The following ADGRL2 variants were observed in gnomAD, a reference collection of about 807,000 sequenced individuals.
ADGRL2 encodes calcium-independent alpha-latrotoxin receptor 2.
A neutral mutation model predicts 157.4 loss-of-function variants in ADGRL2; 44 were observed. The ratio of observed to expected loss-of-function variants is 0.28; its 90% CI spans 0.22 to 0.36. The LOEUF is 0.36. ADGRL2 is among the 10% of genes least tolerant of loss of function. The probability of loss-of-function intolerance (pLI) is 1.00; values close to 1 mark genes in which losing one functional copy is unlikely to be tolerated. For synonymous variants in ADGRL2, 585 were observed against 624.7 expected, an observed-to-expected ratio of 0.94 and a Z score of 0.95; for missense variants, 1,510 against 1,768.9, an observed-to-expected ratio of 0.85 and a Z score of 2.63.
chr1:81,610,219 T>G (rs1322985718), intron 3 of ADGRL2, among the ~76,000 whole-genome samples: 4 of 139,682 alleles, frequency 2.9e-5, no homozygotes, highest in African/African-American at 7.9e-5. Context: ...AACAGGTTAG[T>G]GGCTTGGAGG....
chr1:81,622,523 G>A (rs2081818082), intron 3 of ADGRL2, among the ~76,000 whole-genome samples: 1 of 152,212 alleles, frequency 6.6e-6, no homozygotes, highest in African/African-American at 2.4e-5. Flanking sequence ...GGAAGTTTCA[G>A]TGAGCCAAGA....
chr1:81,352,341 T>A (rs1361700531), intron 1 of ADGRL2, among the ~76,000 whole-genome samples: 1 of 152,198 alleles, frequency 6.6e-6, no homozygotes, highest in Admixed American at 6.5e-5. Flanking sequence ...CTCTGAGGAA[T>A]CAGTTAGAAT....
At chr1:81,336,285 A>T (rs1194714371) in intron 1 of ADGRL2, among the ~76,000 whole-genome samples, 1 of 152,230 alleles carries the variant, frequency 6.6e-6, no homozygotes, top group Admixed American at 6.5e-5. Context: ...TAAAAGTATG[A>T]ATGCGACTGA....
chr1:81,828,167 T>G (rs1424876826), intron 1 of ADGRL2, among the ~76,000 whole-genome samples: 3 of 152,214 alleles, frequency 2.0e-5, no homozygotes, highest in African/African-American at 7.2e-5. Flanking sequence ...ATGCATTGCC[T>G]GTGGCACCTT....
intron 2 of ADGRL2, among the ~76,000 whole-genome samples, chr1:81,479,239 G>A (rs1012786185): frequency 5.3e-5 from 8 of 151,496 alleles, no homozygotes; most frequent in African/African-American, 1.2e-4. Flanking sequence ...TTGGGAGGCC[G>A]AGATGGGTGG....
intron 2 of ADGRL2, among the ~76,000 whole-genome samples, chr1:81,867,520 A>G (rs2093576357): frequency 6.6e-6 from 1 of 152,214 alleles, no homozygotes; most frequent in Non-Finnish European, 1.5e-5. Flanking sequence ...AAGCTGATGA[A>G]TGAGTTTTAT....
At chr1:81,591,009 G>A (rs1360587674) in intron 3 of ADGRL2, among the ~76,000 whole-genome samples, 1 of 152,152 alleles carries the variant, frequency 6.6e-6, no homozygotes, top group Admixed American at 6.6e-5. Flanking sequence ...ATCACGTGGA[G>A]TGTGTAACTC....
chr1:81,844,144 A>T (rs1411309405), intron 2 of ADGRL2, among the ~76,000 whole-genome samples: 1 of 152,200 alleles, frequency 6.6e-6, no homozygotes, highest in Admixed American at 6.6e-5. Context: ...ATAATTTGCT[A>T]AAAGTAAAAA....
intron 1 of ADGRL2, among the ~76,000 whole-genome samples, chr1:81,747,193 A>G (rs2085318004): frequency 1.4e-5 from 2 of 143,664 alleles, no homozygotes; most frequent in South Asian, 2.2e-4. Context: ...GTATGTGTGT[A>G]TGCATGTATA....
chr1:81,764,884 C>T (rs2086059206), intron 2 of ADGRL2, among the ~76,000 whole-genome samples: 2 of 151,890 alleles, frequency 1.3e-5, no homozygotes, highest in Non-Finnish European at 2.9e-5. Flanking sequence ...GACTTGGAGT[C>T]ATTAGAATGA....
At chr1:81,795,633 G>C (rs1211018073), upstream of ADGRL2, among the ~76,000 whole-genome samples, 2 of 152,142 alleles carry the variant, frequency 1.3e-5, no homozygotes, top group Admixed American at 1.3e-4. Context: ...AAAAGCCTTT[G>C]CAAGTTTTGC....
At chr1:81,599,584 A>G (rs960600716) in intron 3 of ADGRL2, among the ~76,000 whole-genome samples, 1 of 152,214 alleles carries the variant, frequency 6.6e-6, no homozygotes, top group Non-Finnish European at 1.5e-5. Context: ...AATTCCAGTG[A>G]TAATGGAATT....
chr1:81,855,466 A>G (rs2093169338), intron 2 of ADGRL2, among the ~76,000 whole-genome samples: 1 of 152,000 alleles, frequency 6.6e-6, no homozygotes. Flanking sequence ...ACAAAACTAA[A>G]CAAAATCAAG....
chr1:81,685,174 T>C (rs1467484539), intron 3 of ADGRL2, among the ~76,000 whole-genome samples: 1 of 152,166 alleles, frequency 6.6e-6, no homozygotes, highest in Non-Finnish European at 1.5e-5. Context: ...CTGTGAAGAA[T>C]GATGGTGGTA....
chr1:81,489,832 G>T (rs1245091368), intron 2 of ADGRL2, among the ~76,000 whole-genome samples: 1 of 152,050 alleles, frequency 6.6e-6, no homozygotes, highest in Non-Finnish European at 1.5e-5. Context: ...AAAGCAAAAA[G>T]GCATCAATCA....
intron 1 of ADGRL2, among the ~76,000 whole-genome samples, chr1:81,702,568 G>T (rs1018185521): frequency 6.6e-6 from 1 of 152,170 alleles, no homozygotes; most frequent in Non-Finnish European, 1.5e-5. Flanking sequence ...ACTATGAATT[G>T]CAAGTACCCT....
At chr1:81,894,548 G>A (rs1036472997) in intron 2 of ADGRL2, among the ~76,000 whole-genome samples, 11 of 151,784 alleles carry the variant, frequency 7.2e-5, no homozygotes, top group African/African-American at 2.7e-4. Context: ...ATAATCTTCA[G>A]TTATTAAAAA....
intron 2 of ADGRL2, among the ~76,000 whole-genome samples, chr1:81,475,039 T>C (rs1423629084): frequency 6.6e-6 from 1 of 152,188 alleles, no homozygotes; most frequent in Non-Finnish European, 1.5e-5. Context: ...GTCAGAGTCA[T>C]CACAATTCGT....
intron 2 of ADGRL2, among the ~76,000 whole-genome samples, chr1:81,537,687 T>C (rs577890112): frequency 2.6e-4 from 39 of 152,106 alleles, no homozygotes; most frequent in African/African-American, 9.2e-4. Context: ...CTTTTTCTTT[T>C]TTTTCTTTCT....
Sources: gnomAD v4.1 joint callset for allele counts (sites outside exome capture counted in the v4.1 genomes callset) on GRCh38, gnomAD v4.1.1 for gene constraint, MANE v1.5 for transcripts, NCBI Gene and HGNC (gene_info 2026-07-23, HGNC 2026-07-21) for gene names.